Variants in RNF10 observed in about 807,000 individuals in gnomAD.
RNF10 encodes E3 ubiquitin-protein ligase RNF10.
In RNF10, 38 loss-of-function variants were observed where a neutral mutation model predicts 91.4. The ratio of observed to expected loss-of-function variants is 0.42; its 90% CI spans 0.32 to 0.54. The LOEUF (loss-of-function observed/expected upper bound fraction) is 0.54. RNF10 is among the 20% of genes least tolerant of loss of function. The pLI is 0.16. For missense variants in RNF10, 945 were observed against 1,012.0 expected, an observed-to-expected ratio of 0.93 and a Z score of 0.90; for synonymous variants, 364 against 366.3, an observed-to-expected ratio of 0.99 and a Z score of 0.07.
At chr12:120,564,084 G>A in intron 10 of RNF10, 141 bp downstream of exon 10, 1 of 912,702 alleles carries the variant, frequency 1.1e-6, no homozygotes, top group Non-Finnish European at 1.6e-6. Context: ...TGATGGTGCT[G>A]TGAATTCTTT....
rs2137218753 is a variant in RNF10, at chr12:120,560,715, C to T, written c.968-11C>T. ...TGTTGCATTTCTTTGATCTTGCTGG[C>T]ATTCTTATAGATGAACAGCACAGCC... is the stretch of plus-strand genomic sequence containing the variant. On this transcript the variant is annotated splice_polypyrimidine_tract_variant and intron_variant, in intron 6 of 16. Transcript: ENST00000325954. The T allele has an allele frequency of 6.2e-7, 1 of 1,605,132 alleles. No individual in the cohort carries two copies. The highest frequency in any genetic ancestry group is 1.1e-5 in the South Asian group (1 of 90,690).
rs1307604150 is a variant in RNF10 at position 120,557,343 on chromosome 12, A to G, written c.707A>G (p.Lys236Arg). ...PICLYPPTAAKITRCGHIFCW... is the reference protein window; with the variant it reads ...PICLYPPTAARITRCGHIFCW... ...TGCCTCTATCCACCTACTGCAGCCA[A>G]GATAACCCGTTGTGGACACATCTTC... Residue 236 changes from lysine (K) to arginine (R), a missense_variant, in exon 5 of 17, where the codon AAG becomes AGG. Coordinates refer to ENST00000325954, the MANE Select transcript of RNF10 (RefSeq NM_014868.5). 5.0e-6 allele frequency: 8 copies of G among 1,614,204 alleles called. No individual in the cohort carries two copies. Among genetic ancestry groups the G allele is most frequent in the East Asian group, 4.5e-5 (2 of 44,886 alleles).
intron 1 of RNF10, among the ~76,000 whole-genome samples, chr12:120,543,329 CA>C (rs1033286236): frequency 5.0e-4 from 76 of 152,182 alleles, no homozygotes; most frequent in African/African-American, 1.8e-3. Context: ...TATGAACTGG[CA>C]AGATTGAGAA....
Position 120,535,300 on chromosome 12 carries a change from C to A in RNF10, c.157+332C>A, listed in dbSNP as rs1870587492. 4 of 226,372 alleles carry A rather than the reference C, an allele frequency of 1.8e-5. No homozygotes were observed. In the South Asian group the frequency reaches 3.4e-4, roughly 19 times the overall value. The allele number at this position is 226,372 out of a possible 1,614,324, so 14.0% of individuals were successfully genotyped here. A position where few individuals can be genotyped will look rare whatever the true frequency, so the allele number is the denominator to read the frequency against. Reference sequence around the variant, plus strand: ...TTGGTTTGTGTGACTCATCAGTCCACGCTCCTAAAACCACTAAGTTGTTCT... The same window carrying A: ...TTGGTTTGTGTGACTCATCAGTCCAAGCTCCTAAAACCACTAAGTTGTTCT... On this transcript the variant is annotated intron_variant, in intron 1 of 16. Transcript: ENST00000325954.
At chr12:120,548,158 T>A (rs2137158920) in intron 2 of RNF10, among the ~76,000 whole-genome samples, 1 of 152,318 alleles carries the variant, frequency 6.6e-6, no homozygotes, top group South Asian at 2.1e-4. Flanking sequence ...AACTTCAGTT[T>A]GGAAATGTTA....
At chr12:120,550,722 G>A (rs896944372) in intron 2 of RNF10, among the ~76,000 whole-genome samples, 2 of 150,976 alleles carry the variant, frequency 1.3e-5, no homozygotes, top group African/African-American at 2.4e-5. Flanking sequence ...TCAGCCTCCC[G>A]AGTAGCTGGG....
chr12:120,552,557 T>A lies in RNF10; in HGVS notation c.413T>A (p.Ile138Asn), dbSNP rs370551365. Residue 138 changes from isoleucine (I) to asparagine (N), a missense_variant, in exon 3 of 17, where the codon ATC (isoleucine) becomes AAC (asparagine). By Grantham distance (149) the Ile-to-Asn change is moderately radical. Coordinates refer to ENST00000325954, the MANE Select transcript of RNF10 (RefSeq NM_014868.5). Reference protein sequence around the residue: ...SPAQFSGPKKINLNHLLNFTF... With the variant: ...SPAQFSGPKKNNLNHLLNFTF... ...GCCCAGTTCTCTGGTCCTAAGAAGA[T>A]CAACCTGAACCACTTGTTGAATTTC... The A allele has an allele frequency of 9.5e-5, 154 of 1,614,070 alleles. No individual in the cohort carries two copies. The highest frequency in any genetic ancestry group is 1.2e-4 in the Non-Finnish European group (143 of 1,180,032).
rs1402239116 is a variant in RNF10 at position 120,576,728 on chromosome 12, C to G, written c.*62C>G. 1.9e-6 allele frequency: 3 copies of G among 1,585,708 alleles called. No individual in the cohort carries two copies. The highest frequency in any genetic ancestry group is 3.8e-5 in the Admixed American group (2 of 52,892). On this transcript the variant is annotated 3_prime_UTR_variant, in exon 17 of 17. Transcript: ENST00000325954. ...TGTTTTTGTTTTTTTTTCCCCCATGCTTTTGTTTGGCTGCTGTAATTTTTA... is the reference window on the plus strand; with the variant it reads ...TGTTTTTGTTTTTTTTTCCCCCATGGTTTTGTTTGGCTGCTGTAATTTTTA...
At chr12:120,553,818 G>A (rs1415549929) in intron 3 of RNF10, 1 of 151,754 alleles carries the variant, frequency 6.6e-6, no homozygotes, top group African/African-American at 2.4e-5. Flanking sequence ...CATAATTGAA[G>A]ATTTGACTTT....
rs1315675019 is a variant in RNF10, at chr12:120,575,667, C to G, written c.2179C>G (p.Pro727Ala). ...TGGAAAAGCAAAAGCAGATGTGTGGCCCAAAACTGCTCCAAAGAAAGGTGA... is the reference window on the plus strand; with the variant it reads ...TGGAAAAGCAAAAGCAGATGTGTGGGCCAAAACTGCTCCAAAGAAAGGTGA... Reference protein sequence around the residue: ...RVGKAKADVWPKTAPKKDENS... With the variant: ...RVGKAKADVWAKTAPKKDENS... The change falls in exon 15 of 17, where the codon CCC (proline) becomes GCC (alanine). Residue 727 changes from proline (P) to alanine (A), a missense_variant. Pro to Ala is a conservative substitution (Grantham distance 27). Transcript: ENST00000325954. 2.5e-6 allele frequency: 4 copies of G among 1,614,064 alleles called. No homozygotes were observed. The African/African-American group carries it at 5.3e-5, about 22-fold the overall frequency.
intron 1 of RNF10, among the ~76,000 whole-genome samples, chr12:120,539,159 T>G (rs1046615940): frequency 3.9e-5 from 6 of 152,184 alleles, no homozygotes; most frequent in African/African-American, 1.4e-4. Context: ...TCCTCATGAT[T>G]CTATGAGGAA....
chr12:120,571,124 C>A, intron 13 of RNF10, 67 bp from the exon 14 acceptor site: 2 of 1,023,516 alleles, frequency 2.0e-6, no homozygotes, highest in South Asian at 2.7e-5. Flanking sequence ...AGGGCTCACT[C>A]ATCTCTCTTG....
chr12:120,559,759 G>A (rs1285407191), intron 6 of RNF10, among the ~76,000 whole-genome samples: 1 of 151,716 alleles, frequency 6.6e-6, no homozygotes, highest in East Asian at 1.9e-4. Context: ...GCAATGGTGC[G>A]ATCTTGGCTC....
chr12:120,557,775 C>A, intron 6 of RNF10, 93 bp downstream of exon 6: 1 of 1,378,580 alleles, frequency 7.3e-7, no homozygotes, highest in Non-Finnish European at 1.0e-6. Context: ...AGCCTTTGGG[C>A]AGGGCACATC....
Position 120,557,623 on chromosome 12 carries a change from T to C in RNF10, c.908T>C (p.Val303Ala). The C allele has an allele frequency of 6.2e-7, 1 of 1,614,074 alleles. No individual in the cohort carries two copies. The highest frequency in any genetic ancestry group is 8.5e-7 in the Non-Finnish European group (1 of 1,180,000). ...TMQLMKREKG[V>A]LVALPKSKWM... ...CAGCTGATGAAGAGGGAGAAAGGGG[T>C]GTTGGTGGCTTTGCCCAAATCCAAA... The change falls in exon 6 of 17, where the codon GTG (valine) becomes GCG (alanine). Residue 303 changes from valine to alanine, a missense_variant. Transcript: ENST00000325954.
chr12:120,560,932 G>T (rs372428079), intron 7 of RNF10, 46 bp downstream of exon 7: 3 of 1,584,674 alleles, frequency 1.9e-6, no homozygotes, highest in Non-Finnish European at 2.6e-6. Context: ...CTTTCTCGGC[G>T]TTCTGTGGTG....
chr12:120,551,723 TC>T (rs1318270387), intron 2 of RNF10, among the ~76,000 whole-genome samples: 1 of 152,244 alleles, frequency 6.6e-6, no homozygotes, highest in Admixed American at 6.5e-5. Flanking sequence ...AACCTTGAAT[TC>T]CTGGGCTCAA....
chr12:120,540,267 T>A (rs1871360274), intron 1 of RNF10, among the ~76,000 whole-genome samples: 1 of 152,034 alleles, frequency 6.6e-6, no homozygotes, highest in South Asian at 2.1e-4. Flanking sequence ...CTGGCCTTTT[T>A]CTGATTCTTT....
intron 1 of RNF10, among the ~76,000 whole-genome samples, chr12:120,543,051 C>T (rs570515932): frequency 2.0e-5 from 3 of 152,186 alleles, no homozygotes; most frequent in Non-Finnish European, 2.9e-5. Flanking sequence ...AGACTATGGG[C>T]GTGAAGTGGT....
Sources: allele counts gnomAD v4.1 joint callset (sites outside exome capture counted in the v4.1 genomes callset), GRCh38; gene constraint gnomAD v4.1.1; transcripts MANE v1.5; gene names NCBI Gene and HGNC (gene_info 2026-07-23, HGNC 2026-07-21).